UBAP2L: variants seen among roughly 807,000 people sequenced by gnomAD.
UBAP2L encodes ubiquitin-associated protein 2-like.
Under a neutral mutation model 130.6 loss-of-function variants are expected in UBAP2L, and 12 were observed. The ratio of observed to expected loss-of-function variants is 0.09; its 90% confidence interval spans 0.06 to 0.15. The LOEUF is 0.15. Among genes scored for constraint, UBAP2L ranks in the 10% least tolerant of loss-of-function variants. The pLI is 1.00. For synonymous variants in UBAP2L, 503 were observed against 524.7 expected (o/e 0.96, Z 0.57); for missense variants, 965 against 1,332.5 (o/e 0.72, Z 4.29).
chr1:154,223,308 T>A (rs1666912516), intron 1 of UBAP2L, among the ~76,000 whole-genome samples: 1 of 152,226 alleles, frequency 6.6e-6, no homozygotes, highest in African/African-American at 2.4e-5. Context: ...ATACCTGCAA[T>A]ATAACTTATC....
At chr1:154,232,256 G>A (rs144785375) in intron 4 of UBAP2L, among the ~76,000 whole-genome samples, 108 of 151,800 alleles carry the variant, frequency 7.1e-4, no homozygotes, top group African/African-American at 2.4e-3. Flanking sequence ...CCTGGGAGGC[G>A]GAGGTTGCAG....
In UBAP2L at chr1:154,270,626, TG is replaced by T; in HGVS notation, c.*334del. The T allele has an allele frequency of 1.4e-6, 2 of 1,408,590 alleles. No homozygotes were observed. The highest frequency in any genetic ancestry group is 9.2e-7 in the Non-Finnish European group (1 of 1,086,858). 87.3% of individuals were successfully genotyped at this position (1,408,590 alleles called of 1,614,324 possible). On this transcript the variant is annotated 3_prime_UTR_variant, in exon 27 of 27. Transcript: ENST00000428931. ...GTGGTGTACGGATGAGGCGGGGAGGTGGGACCCCCAAACATATATCAGCCCA... is the reference window on the plus strand; with the variant it reads ...GTGGTGTACGGATGAGGCGGGGAGGTGGACCCCCAAACATATATCAGCCCA...
chr1:154,224,216 G>C (rs1446400770), intron 1 of UBAP2L, among the ~76,000 whole-genome samples: 1 of 152,170 alleles, frequency 6.6e-6, no homozygotes, highest in Non-Finnish European at 1.5e-5. Context: ...AAGGTCTCAA[G>C]TTTAAAATGA....
At chr1:154,227,224 C>T in intron 2 of UBAP2L, 58 bp from the exon 3 acceptor site, 1 of 1,477,464 alleles carries the variant, frequency 6.8e-7, no homozygotes. Context: ...AAATAGGTTC[C>T]TGTTCTCTAA....
At chr1:154,223,419 G>C (rs1330540696) in intron 1 of UBAP2L, among the ~76,000 whole-genome samples, 1 of 152,126 alleles carries the variant, frequency 6.6e-6, no homozygotes, top group Non-Finnish European at 1.5e-5. Flanking sequence ...CTTCATCTTA[G>C]AGCCAATTTT....
intron 25 of UBAP2L, among the ~76,000 whole-genome samples, chr1:154,267,011 T>C (rs979040593): frequency 6.6e-6 from 1 of 152,174 alleles, no homozygotes; most frequent in Admixed American, 6.5e-5. Context: ...AGGTTTGTTA[T>C]GTTGCTTTTA....
chr1:154,254,163 A>G, intron 15 of UBAP2L, 74 bp downstream of exon 15: 1 of 1,329,506 alleles, frequency 7.5e-7, no homozygotes, highest in Non-Finnish European at 9.9e-7. Flanking sequence ...TTAGTGTTTT[A>G]CTTTTCAGCA....
intron 11 of UBAP2L, 114 bp downstream of exon 11, chr1:154,246,489 T>G (rs1571803849): frequency 1.6e-6 from 2 of 1,220,260 alleles, no homozygotes; most frequent in East Asian, 2.4e-5. Context: ...CCTCTTTGTC[T>G]TCTTAAGCAG....
At chr1:154,244,332 A>G (rs1329420000) in intron 10 of UBAP2L, among the ~76,000 whole-genome samples, 2 of 152,162 alleles carry the variant, frequency 1.3e-5, no homozygotes, top group Admixed American at 1.3e-4. Context: ...ATAACTCACT[A>G]GAATGACTGA....
chr1:154,241,827 T>C (rs1249743311), intron 9 of UBAP2L: 37 of 971,778 alleles, frequency 3.8e-5, no homozygotes, highest in Non-Finnish European at 4.3e-5. Context: ...GTCGGATTTA[T>C]CCCAGGAAGA....
intron 1 of UBAP2L, among the ~76,000 whole-genome samples, chr1:154,224,476 A>C (rs1571564465): frequency 6.6e-6 from 1 of 152,184 alleles, no homozygotes; most frequent in South Asian, 2.1e-4. Context: ...CTGTGGTTTA[A>C]AAAAACAAAA....
intron 8 of UBAP2L, among the ~76,000 whole-genome samples, chr1:154,239,006 G>T (rs1435350914): frequency 7.9e-5 from 12 of 152,138 alleles, no homozygotes; most frequent in Admixed American, 7.9e-4. Context: ...CTCCCAAAGT[G>T]CTGGGATTAC....
chr1:154,234,525 C>T, intron 4 of UBAP2L, 66 bp from the exon 5 acceptor site: 1 of 1,562,032 alleles, frequency 6.4e-7, no homozygotes, highest in Non-Finnish European at 8.8e-7. Flanking sequence ...GTCATCCCAG[C>T]TTTCATCTCT....
At chr1:154,220,465 C>T (rs1665513173), upstream of UBAP2L, 2 of 1,605,080 alleles carry the variant, frequency 1.2e-6, no homozygotes. Flanking sequence ...GGCTGGTCAG[C>T]CCAGGCTCCG....
intron 11 of UBAP2L, among the ~76,000 whole-genome samples, chr1:154,247,968 A>ATTTTTTTTTTTTT: frequency 6.8e-6 from 1 of 147,352 alleles, no homozygotes; most frequent in Non-Finnish European, 1.5e-5. Flanking sequence ...TTTTTTATTT[A>ATTTTTTTTTTTTT]TTTTTTATTT....
rs535277118 is a variant in UBAP2L, at chr1:154,257,219, G to C, written c.2314G>C (p.Val772Leu). ...LGLSLGSNST[V>L]TASTRSSVAT... ...CCTCAGCCTAGGCAGCAACTCCACT[G>C]TCACAGCCTCGACTCGAAGCTCAGT... Residue 772 changes from valine (V) to leucine (L), a missense_variant, in exon 19 of 27, where the codon GTC (valine) becomes CTC (leucine). Physicochemically the swap from Val to Leu is conservative, Grantham distance 32. Coordinates refer to ENST00000428931, the MANE Select transcript of UBAP2L (RefSeq NM_014847.4). 2.5e-4 allele frequency: 396 copies of C among 1,614,238 alleles called. No individual in the cohort carries two copies. Among genetic ancestry groups the C allele is most frequent in the Non-Finnish European group, 3.1e-4 (371 of 1,180,050 alleles).
chr1:154,220,270 G>A (rs1665440694), upstream of UBAP2L: 6 of 1,551,552 alleles, frequency 3.9e-6, no homozygotes, highest in Middle Eastern at 6.7e-4. Flanking sequence ...ATGCAGACGG[G>A]GTACAGCTCA....
intron 12 of UBAP2L, 61 bp from the exon 13 acceptor site, chr1:154,250,980 A>G (rs1677427171): frequency 1.3e-6 from 2 of 1,521,322 alleles, no homozygotes; most frequent in Admixed American, 3.7e-5. Context: ...GTGCAGGACA[A>G]TAGCATTTCC....
At chr1:154,263,522 T>C in intron 24 of UBAP2L, 4 of 1,031,032 alleles carry the variant, frequency 3.9e-6, no homozygotes, top group Non-Finnish European at 4.7e-6. Context: ...GTTCTTTCCG[T>C]GCATGTCTTT....
Sources: gnomAD v4.1 joint callset for allele counts (sites outside exome capture counted in the v4.1 genomes callset) on GRCh38, gnomAD v4.1.1 for gene constraint, MANE v1.5 for transcripts, NCBI Gene and HGNC (gene_info 2026-07-23, HGNC 2026-07-21) for gene names.